The following TXNRD2 variants were observed in gnomAD, a reference collection of about 807,000 sequenced individuals.
TXNRD2 encodes thioredoxin reductase 2.
Under a neutral mutation model 70.8 loss-of-function variants are expected in TXNRD2, and 67 were observed. The observed-to-expected ratio is 0.95, with a 90% CI of 0.78 to 1.16. TXNRD2 has a LOEUF of 1.16. TXNRD2 is among the 50% of genes most tolerant of loss of function. The pLI, the probability that TXNRD2 is intolerant of heterozygous loss-of-function variation, is 0.00. For missense variants in TXNRD2, 644 were observed against 719.9 expected, an observed-to-expected ratio of 0.89 and a Z score of 1.21; for synonymous variants, 301 against 295.8, an observed-to-expected ratio of 1.02 and a Z score of -0.18.
At chr22:19,905,617 G>A (rs529264557) in intron 8 of TXNRD2, among the ~76,000 whole-genome samples, 8 of 152,254 alleles carry the variant, frequency 5.3e-5, no homozygotes, top group South Asian at 2.1e-4. Context: ...CCAGTACATC[G>A]AGGGGCCCAG....
intron 4 of TXNRD2, among the ~76,000 whole-genome samples, chr22:19,918,576 A>G (rs954274837): frequency 3.3e-5 from 5 of 149,646 alleles, no homozygotes; most frequent in Admixed American, 2.0e-4. Flanking sequence ...TCCCACCCGC[A>G]CTCCTGGCCT....
chr22:19,892,700 C>T (rs556662515), intron 11 of TXNRD2, among the ~76,000 whole-genome samples: 8 of 152,066 alleles, frequency 5.3e-5, no homozygotes, highest in Non-Finnish European at 1.2e-4. Context: ...TGTGGGTGAA[C>T]GGAGGTGTCA....
Position 19,915,612 on chromosome 22 carries a change from A to G in TXNRD2, c.528+153T>C, listed in dbSNP as rs117162271. 8.3e-4 allele frequency among the ~76,000 whole-genome samples: 126 copies of G among 152,332 alleles called. 1 individual carries two copies. The East Asian group carries it at 0.021, about 25-fold the overall frequency. Reference sequence around the variant, plus strand: ...GGGCAGCAAATTATTTGATCACGTTAAAGACAAGTGCCCAGCCTCAAAAGA... The same window carrying G: ...GGGCAGCAAATTATTTGATCACGTTGAAGACAAGTGCCCAGCCTCAAAAGA... On this transcript the variant is annotated intron_variant, in intron 6 of 17. Transcript: ENST00000400521.
intron 7 of TXNRD2, among the ~76,000 whole-genome samples, chr22:19,913,683 G>A (rs73880008): frequency 0.034 from 5,226 of 152,278 alleles, 128 homozygotes; most frequent in South Asian, 0.086. Context: ...TAGGCCAGGC[G>A]CATGCACAGC....
chr22:19,930,483 A>G (rs1024360551), intron 2 of TXNRD2, among the ~76,000 whole-genome samples: 6 of 152,184 alleles, frequency 3.9e-5, no homozygotes, highest in African/African-American at 1.2e-4. Flanking sequence ...CTCTGGGTCC[A>G]GCCCGTTCGC....
intron 5 of TXNRD2, among the ~76,000 whole-genome samples, chr22:19,917,470 G>C (rs1348620180): frequency 6.6e-6 from 1 of 152,144 alleles, no homozygotes; most frequent in East Asian, 1.9e-4. Flanking sequence ...CCCGCCCTGG[G>C]GCCAAGCAAA....
chr22:19,909,858 ACCACACACAC>A (rs1335842256), intron 8 of TXNRD2, among the ~76,000 whole-genome samples: 1,272 of 27,914 alleles, frequency 0.046, 41 homozygotes, highest in East Asian at 0.2. Context: ...TCACACACAC[ACCACACACAC>A]ACCACTCACA....
chr22:19,905,738 G>C (rs781332659), intron 8 of TXNRD2, among the ~76,000 whole-genome samples: 21 of 152,076 alleles, frequency 1.4e-4, no homozygotes, highest in Non-Finnish European at 2.5e-4. Flanking sequence ...AGAAGCCTAC[G>C]TGAAAGACAA....
At chr22:19,895,188 G>A in intron 11 of TXNRD2, 1 of 1,598,416 alleles carries the variant, frequency 6.3e-7, no homozygotes, top group Non-Finnish European at 8.5e-7. Flanking sequence ...GAGACACGCA[G>A]AGATGCAAGG....
Position 19,877,303 on chromosome 22 carries a change from C to T in TXNRD2, c.1446-69G>A, listed in dbSNP as rs552449923. Reference sequence around the variant, plus strand: ...AGGGGGGTCCACAGCATCCCACCCCCGGGAAGAGGAGGGCCTCAGAGGCTG... The same window carrying T: ...AGGGGGGTCCACAGCATCCCACCCCTGGGAAGAGGAGGGCCTCAGAGGCTG... On this transcript the variant is annotated intron_variant, in intron 16 of 17. Transcript: ENST00000400521. 2.9e-5 allele frequency: 42 copies of T among 1,443,098 alleles called. No individual in the cohort carries two copies. The Middle Eastern group carries it at 6.3e-4, about 22-fold the overall frequency. The allele number at this position is 1,443,098 out of a possible 1,614,324, so 89.4% of individuals were successfully genotyped here.
At chr22:19,926,664 C>T (rs1036534464) in intron 2 of TXNRD2, among the ~76,000 whole-genome samples, 1 of 151,864 alleles carries the variant, frequency 6.6e-6, no homozygotes, top group African/African-American at 2.4e-5. Context: ...ACCTGTAATC[C>T]CAGCTACTCG....
chr22:19,931,822 G>A (rs534696925), intron 1 of TXNRD2, among the ~76,000 whole-genome samples: 3 of 152,052 alleles, frequency 2.0e-5, no homozygotes, highest in South Asian at 2.1e-4. Context: ...TCAAGTCCAC[G>A]TGCCTTTCAG....
intron 8 of TXNRD2, among the ~76,000 whole-genome samples, chr22:19,907,500 G>A (rs1430366305): frequency 3.1e-5 from 1 of 31,902 alleles, no homozygotes; most frequent in Non-Finnish European, 5.4e-5. Context: ...GTGCACCGTG[G>A]GTAGCAGTGA....
chr22:19,917,345 T>C (rs1940683426), intron 5 of TXNRD2, among the ~76,000 whole-genome samples: 1 of 152,036 alleles, frequency 6.6e-6, no homozygotes, highest in African/African-American at 2.4e-5. Context: ...CTTAGCTCCC[T>C]GGATAGGGGA....
intron 13 of TXNRD2, 78 bp from the exon 14 acceptor site, chr22:19,880,349 C>A: frequency 7.0e-7 from 1 of 1,427,408 alleles, no homozygotes; most frequent in Non-Finnish European, 9.7e-7. Context: ...ACACAAAGAG[C>A]AGCGATCACA....
intron 9 of TXNRD2, among the ~76,000 whole-genome samples, chr22:19,898,439 G>A (rs796261567): frequency 2.6e-5 from 4 of 152,264 alleles, no homozygotes; most frequent in South Asian, 2.1e-4. Context: ...CTGGTTCAGG[G>A]AGGACCTCAG....
Position 19,911,394 on chromosome 22 carries a change from C to G in TXNRD2, c.645G>C (p.Lys215Asn). Residue 215 changes from lysine to asparagine, a missense_variant, in exon 8 of 18, where the codon AAG (lysine) becomes AAC (asparagine). Lys to Asn is a moderately conservative substitution (Grantham distance 94). Around this residue, in one of 3 missense-constraint regions of TXNRD2, gnomAD observed 566 missense variants for 645.0 expected, o/e 0.88. Coordinates refer to ENST00000400521, the MANE Select transcript of TXNRD2 (RefSeq NM_006440.5). ...GGCCTTACGTTTTTCCAGGGGATTC[C>G]TTCAGCCAGAAGATGTCATCACTTG... ...GITSDDIFWL[K>N]ESPGKTLVVG... The G allele has an allele frequency of 6.2e-7, 1 of 1,614,052 alleles. No homozygotes were observed. The highest frequency in any genetic ancestry group is 8.5e-7 in the Non-Finnish European group (1 of 1,179,944).
intron 5 of TXNRD2, among the ~76,000 whole-genome samples, chr22:19,917,659 C>T (rs1011444610): frequency 6.6e-6 from 1 of 152,156 alleles, no homozygotes; most frequent in African/African-American, 2.4e-5. Context: ...TCCCCAGGGG[C>T]TGACAGGAAC....
At chr22:19,909,842 CACCCTT>C (rs1940294096) in intron 8 of TXNRD2, among the ~76,000 whole-genome samples, 12 of 74,848 alleles carry the variant, frequency 1.6e-4, no homozygotes, top group African/African-American at 6.6e-4. Context: ...CACACACCCA[CACCCTT>C]CACACACACA....
Sources: allele counts gnomAD v4.1 joint callset (sites outside exome capture counted in the v4.1 genomes callset), GRCh38; gene constraint gnomAD v4.1.1; regional missense constraint gnomAD v4.1.1; transcripts MANE v1.5; gene names NCBI Gene and HGNC (gene_info 2026-07-23, HGNC 2026-07-21).